Variants in SLC22A25 observed in about 807,000 individuals in gnomAD.
SLC22A25 encodes the protein solute carrier family 22 member 25.
SLC22A25 carries 44 observed loss-of-function variants against 45.9 expected under a neutral mutation model. The ratio of observed to expected loss-of-function variants is 0.96; its 90% CI spans 0.75 to 1.23. The LOEUF is 1.23. SLC22A25 is among the 50% of genes most tolerant of loss of function. The pLI is 0.00. For missense variants in SLC22A25, 800 were observed against 666.4 expected (o/e 1.20, Z -2.21); for synonymous variants, 283 against 238.6 (o/e 1.19, Z -1.72).
chr11:63,214,494 C>T (rs560242959), intron 7 of SLC22A25, among the ~76,000 whole-genome samples: 18 of 152,318 alleles, frequency 1.2e-4, no homozygotes, highest in African/African-American at 4.1e-4. Flanking sequence ...GAGCTGGAGT[C>T]TTTTAAAAAT....
rs545410409 is a variant in SLC22A25 at position 63,232,209 on chromosome 11, T to C, written c.-444-2113A>G. Among the ~76,000 whole-genome samples, 12 of 152,326 alleles carry C rather than the reference T, an allele frequency of 7.9e-5. No individual in the cohort carries two copies. The South Asian group carries it at 1.9e-3, about 24-fold the overall frequency. On this transcript the variant is annotated intron_variant, in intron 3 of 11. Transcript: ENST00000306494. ...CTTGATGGGGATGGCATTGAATCTA[T>C]AAAAGACCTTGGGCAGTATGGCCAT...
At chr11:63,233,477 T>C (rs984694576) in intron 3 of SLC22A25, among the ~76,000 whole-genome samples, 6 of 152,222 alleles carry the variant, frequency 3.9e-5, no homozygotes, top group Non-Finnish European at 7.3e-5. Flanking sequence ...GAATTGGTGG[T>C]GATATCCCCT....
At chr11:63,218,689 C>T (rs911053714) in intron 5 of SLC22A25, among the ~76,000 whole-genome samples, 1 of 152,038 alleles carries the variant, frequency 6.6e-6, no homozygotes, top group African/African-American at 2.4e-5. Context: ...GTGAAAGGAA[C>T]ATCCATGAAA....
chr11:63,207,850 T>C (rs1435884529), intron 7 of SLC22A25, among the ~76,000 whole-genome samples: 5 of 152,212 alleles, frequency 3.3e-5, no homozygotes, highest in Non-Finnish European at 5.9e-5. Context: ...ATGCATGTCT[T>C]AATTAATTGA....
intron 7 of SLC22A25, among the ~76,000 whole-genome samples, chr11:63,188,381 C>T (rs567929518): frequency 8.5e-5 from 13 of 152,186 alleles, no homozygotes; most frequent in South Asian, 2.1e-4. Flanking sequence ...TCTGTGGGAT[C>T]GGTGGTGATA....
chr11:63,194,889 GCAAAAAAAAAAAAAAAAA>G (rs2088952941), intron 7 of SLC22A25, among the ~76,000 whole-genome samples: 1 of 14,288 alleles, frequency 7.0e-5, no homozygotes, highest in Non-Finnish European at 1.4e-4. Flanking sequence ...CAAATGGAAA[GCAAAAAAAAAAAAAAAAA>G]AAAAAAAAAA....
Position 63,159,352 on chromosome 11 carries a change from G to C in SLC22A25, c.*4472C>G, listed in dbSNP as rs1201177093. Among the ~76,000 whole-genome samples the C allele has an allele frequency of 6.6e-6, 1 of 152,114 alleles. No individual in the cohort carries two copies. Among genetic ancestry groups the C allele is most frequent in the Admixed American group, 6.5e-5 (1 of 15,282 alleles). On this transcript the variant is annotated 3_prime_UTR_variant, in exon 12 of 12. Transcript: ENST00000306494. ...CATAGTTCCCACCTGTCATGGGAGG[G>C]AGCCTGTGGGAGGTAATTGAATCAT...
Position 63,192,214 on chromosome 11 carries a change from A to G in SLC22A25, c.831-8397T>C, listed in dbSNP as rs555690611. Among the ~76,000 whole-genome samples the G allele has an allele frequency of 9.8e-5, 15 of 152,336 alleles. No homozygotes were observed. The East Asian group carries it at 2.3e-3, about 24-fold the overall frequency. On this transcript the variant is annotated intron_variant, in intron 7 of 11. Coordinates refer to ENST00000306494, the MANE Select transcript of SLC22A25 (RefSeq NM_199352.6). ...TTCTTAAGAGAAGAAATTCTAATCC[A>G]GAATTTCATATTTGGCCAAACTAAG... is the stretch of plus-strand genomic sequence containing the variant.
At chr11:63,223,256 G>A (rs2089890766) in intron 5 of SLC22A25, among the ~76,000 whole-genome samples, 1 of 151,982 alleles carries the variant, frequency 6.6e-6, no homozygotes, top group African/African-American at 2.4e-5. Flanking sequence ...CAGGTCCCAG[G>A]CTTTTCCTTA....
chr11:63,190,613 A>T (rs2088770891), intron 7 of SLC22A25, among the ~76,000 whole-genome samples: 1 of 151,858 alleles, frequency 6.6e-6, no homozygotes, highest in South Asian at 2.1e-4. Flanking sequence ...TTGGAGGAGG[A>T]GAGGCACTCT....
chr11:63,209,261 C>T (rs1271261144), intron 7 of SLC22A25, among the ~76,000 whole-genome samples: 1 of 152,102 alleles, frequency 6.6e-6, no homozygotes, highest in Non-Finnish European at 1.5e-5. Context: ...TACTGCAAGG[C>T]ATTAGTGGCT....
intron 9 of SLC22A25, among the ~76,000 whole-genome samples, chr11:63,169,331 A>G (rs143322809): frequency 3.3e-5 from 5 of 152,350 alleles, no homozygotes; most frequent in African/African-American, 1.2e-4. Flanking sequence ...TTAACCTTAA[A>G]TGTAAATGGG....
chr11:63,205,927 G>A (rs1001660387), intron 7 of SLC22A25, among the ~76,000 whole-genome samples: 1 of 152,110 alleles, frequency 6.6e-6, no homozygotes, highest in Non-Finnish European at 1.5e-5. Context: ...GAATCCAGCA[G>A]CACATCAAAA....
chr11:63,224,386 C>G (rs907325031), intron 5 of SLC22A25, among the ~76,000 whole-genome samples: 4 of 152,088 alleles, frequency 2.6e-5, no homozygotes, highest in African/African-American at 9.6e-5. Flanking sequence ...TATTCAGTCT[C>G]TCTATGTCTT....
intron 7 of SLC22A25, among the ~76,000 whole-genome samples, chr11:63,201,206 G>A (rs1158654913): frequency 6.6e-6 from 1 of 152,034 alleles, no homozygotes; most frequent in Non-Finnish European, 1.5e-5. Context: ...ACAATCCTAA[G>A]CAAAAGAAAT....
At chr11:63,181,702 G>T (rs1193309314) in intron 8 of SLC22A25, among the ~76,000 whole-genome samples, 1 of 152,004 alleles carries the variant, frequency 6.6e-6, no homozygotes, top group Non-Finnish European at 1.5e-5. Context: ...TTTAGAAAGA[G>T]ATTGCATTCA....
At chr11:63,215,672 G>T (rs1239107391) in intron 7 of SLC22A25, among the ~76,000 whole-genome samples, 1 of 151,978 alleles carries the variant, frequency 6.6e-6, no homozygotes, top group Non-Finnish European at 1.5e-5. Context: ...TGTTACACAG[G>T]TAAACATGTA....
At chr11:63,189,218 T>C (rs2088693345) in intron 7 of SLC22A25, among the ~76,000 whole-genome samples, 1 of 152,220 alleles carries the variant, frequency 6.6e-6, no homozygotes, top group South Asian at 2.1e-4. Flanking sequence ...GTTTTATGAA[T>C]CTGGGTACTC....
At chr11:63,179,967 G>A (rs1231024517) in intron 9 of SLC22A25, among the ~76,000 whole-genome samples, 1 of 152,130 alleles carries the variant, frequency 6.6e-6, no homozygotes, top group Non-Finnish European at 1.5e-5. Context: ...TTCCTTCCCT[G>A]TGAGGGAAAA....
Sources: allele counts gnomAD v4.1 joint callset (sites outside exome capture counted in the v4.1 genomes callset), GRCh38; gene constraint gnomAD v4.1.1; transcripts MANE v1.5; gene names NCBI Gene and HGNC (gene_info 2026-07-23, HGNC 2026-07-21).